The following ERBB4 variants were observed in gnomAD, a reference collection of about 807,000 sequenced individuals.
ERBB4 encodes erb-b2 receptor tyrosine kinase 4, also known as receptor tyrosine-protein kinase erbB-4.
In ERBB4, 42 loss-of-function variants were observed where a neutral mutation model predicts 158.0. The observed-to-expected ratio is 0.27, with a 90% CI of 0.21 to 0.34. The LOEUF is 0.34. Ranked by LOEUF, ERBB4 falls within the 10% of genes least tolerant of loss-of-function variation. The pLI is 1.00. For synonymous variants in ERBB4, 583 were observed against 558.7 expected, an observed-to-expected ratio of 1.04 and a Z score of -0.61; for missense variants, 1,333 against 1,624.1, an observed-to-expected ratio of 0.82 and a Z score of 3.08.
chr2:211,398,931 C>A (rs2062977431), intron 25 of ERBB4, among the ~76,000 whole-genome samples: 1 of 152,170 alleles, frequency 6.6e-6, no homozygotes, highest in African/African-American at 2.4e-5. Context: ...ATGATCCTTG[C>A]CAGTTTCTCC....
At chr2:212,204,975 C>T (rs1365105098) in intron 1 of ERBB4, among the ~76,000 whole-genome samples, 2 of 151,536 alleles carry the variant, frequency 1.3e-5, no homozygotes, top group Non-Finnish European at 2.9e-5. Context: ...TGCACCACCA[C>T]GCCCGGCTAG....
intron 16 of ERBB4, among the ~76,000 whole-genome samples, chr2:211,653,035 C>G (rs1050425467): frequency 2.0e-5 from 3 of 151,996 alleles, no homozygotes; most frequent in Non-Finnish European, 4.4e-5. Flanking sequence ...ATCAAATATT[C>G]TATTCTATCA....
chr2:212,172,410 C>T (rs1177136870), intron 1 of ERBB4, among the ~76,000 whole-genome samples: 2 of 152,160 alleles, frequency 1.3e-5, no homozygotes, highest in African/African-American at 4.8e-5. Context: ...AATCCCATTA[C>T]TGGGAATATA....
intron 1 of ERBB4, among the ~76,000 whole-genome samples, chr2:212,462,114 A>C (rs1238816198): frequency 6.6e-6 from 1 of 152,202 alleles, no homozygotes; most frequent in Non-Finnish European, 1.5e-5. Context: ...CTTTATCTGG[A>C]ATAAAGACTT....
intron 1 of ERBB4, among the ~76,000 whole-genome samples, chr2:212,254,826 C>T (rs1192095613): frequency 6.6e-6 from 1 of 152,076 alleles, no homozygotes; most frequent in Non-Finnish European, 1.5e-5. Flanking sequence ...TTCTAGATGG[C>T]TAGTTATACA....
In ERBB4 at chr2:211,377,984, G is replaced by A. The variant is rs567692481; in HGVS notation, c.*5631C>T. ...TCTCTTATGAAAAAATCAGGCATTCGAGGGCAAAGATGAAGTCAGTGTTTC... is the reference window on the plus strand; with the variant it reads ...TCTCTTATGAAAAAATCAGGCATTCAAGGGCAAAGATGAAGTCAGTGTTTC... On this transcript the variant is annotated 3_prime_UTR_variant, in exon 28 of 28. Transcript: ENST00000342788. The A allele has an allele frequency of 1.6e-4, 38 of 232,942 alleles. No individual in the cohort carries two copies. The highest frequency in any genetic ancestry group is 5.7e-4 in the African/African-American group (26 of 45,390). 14.4% of individuals were successfully genotyped at this position (232,942 alleles called of 1,614,324 possible). A position where few individuals can be genotyped will look rare whatever the true frequency, so the allele number is the denominator to read the frequency against.
At chr2:212,468,933 T>C (rs548827117) in intron 1 of ERBB4, among the ~76,000 whole-genome samples, 6 of 152,282 alleles carry the variant, frequency 3.9e-5, no homozygotes, top group Non-Finnish European at 7.4e-5. Flanking sequence ...GTTCCCTTAT[T>C]AGGAAAAAAA....
At chr2:211,447,266 CA>C (rs1369783892) in intron 20 of ERBB4, among the ~76,000 whole-genome samples, 1 of 152,038 alleles carries the variant, frequency 6.6e-6, no homozygotes, top group African/African-American at 2.4e-5. Flanking sequence ...AGACTTAGCT[CA>C]GCCTGAAATA....
intron 20 of ERBB4, among the ~76,000 whole-genome samples, chr2:211,446,287 G>T (rs552464311): frequency 6.6e-6 from 1 of 152,164 alleles, no homozygotes; most frequent in Non-Finnish European, 1.5e-5. Context: ...CCATAACTTT[G>T]TAATTGCATC....
At chr2:211,632,627 G>C (rs985612400) in intron 16 of ERBB4, among the ~76,000 whole-genome samples, 2 of 151,848 alleles carry the variant, frequency 1.3e-5, no homozygotes, top group Non-Finnish European at 2.9e-5. Context: ...TTGTTTCTTT[G>C]TTTGTTGTTG....
chr2:211,800,659 TAAAA>T (rs35946148), intron 3 of ERBB4, among the ~76,000 whole-genome samples: 1,572 of 128,572 alleles, frequency 0.012, 31 homozygotes, highest in African/African-American at 0.039. Context: ...AACTGTGCGT[TAAAA>T]AAAAAAAAAA....
At chr2:211,573,704 TA>T (rs1187434035) in intron 19 of ERBB4, among the ~76,000 whole-genome samples, 2 of 41,564 alleles carry the variant, frequency 4.8e-5, no homozygotes, top group Non-Finnish European at 8.3e-5. Context: ...TAATAGAAAA[TA>T]TTAAAAAAAA....
At chr2:212,267,101 T>C (rs527947562) in intron 1 of ERBB4, among the ~76,000 whole-genome samples, 43 of 151,932 alleles carry the variant, frequency 2.8e-4, no homozygotes, top group African/African-American at 8.7e-4. Flanking sequence ...GCACACAGAG[T>C]ATAAAAATGC....
chr2:212,514,469 AAT>A (rs1293980145), intron 1 of ERBB4, among the ~76,000 whole-genome samples: 2 of 152,196 alleles, frequency 1.3e-5, no homozygotes, highest in East Asian at 3.8e-4. Flanking sequence ...ATACCCATGA[AAT>A]ATTATATACA....
intron 2 of ERBB4, among the ~76,000 whole-genome samples, chr2:212,106,806 C>A (rs2079242371): frequency 6.6e-6 from 1 of 152,186 alleles, no homozygotes; most frequent in South Asian, 2.1e-4. Context: ...CCAGCAGTGA[C>A]TAAAAGGGGC....
At chr2:212,236,935 T>G (rs33999773) in intron 1 of ERBB4, among the ~76,000 whole-genome samples, 1 of 152,102 alleles carries the variant, frequency 6.6e-6, no homozygotes, top group African/African-American at 2.4e-5. Context: ...ATTCATTGCT[T>G]TTTTGAAGGG....
intron 4 of ERBB4, among the ~76,000 whole-genome samples, chr2:211,768,549 G>A (rs2075613964): frequency 6.6e-6 from 1 of 152,156 alleles, no homozygotes; most frequent in Non-Finnish European, 1.5e-5. Context: ...TAGAAATCTA[G>A]GCAGAGGTTC....
chr2:211,854,803 T>A (rs1450564951), intron 3 of ERBB4, among the ~76,000 whole-genome samples: 1 of 152,034 alleles, frequency 6.6e-6, no homozygotes, highest in East Asian at 1.9e-4. Context: ...TCCTTTGAAG[T>A]GTGTGTGTGT....
chr2:212,374,050 A>G (rs188639107), intron 1 of ERBB4, among the ~76,000 whole-genome samples: 1 of 126,782 alleles, frequency 7.9e-6, no homozygotes, highest in East Asian at 2.0e-4. Context: ...ATATCCATAT[A>G]TATATATCCA....
Sources: gnomAD v4.1 joint callset for allele counts (sites outside exome capture counted in the v4.1 genomes callset) on GRCh38, gnomAD v4.1.1 for gene constraint, MANE v1.5 for transcripts, NCBI Gene and HGNC (gene_info 2026-07-23, HGNC 2026-07-21) for gene names.